KMT2C: variants seen among roughly 807,000 people sequenced by gnomAD.
KMT2C encodes histone-lysine N-methyltransferase 2C.
Under a neutral mutation model 507.9 loss-of-function variants are expected in KMT2C, and 88 were observed. The ratio of observed to expected loss-of-function variants is 0.17; its 90% CI spans 0.15 to 0.21. The LOEUF is 0.21. Ranked by LOEUF, KMT2C falls within the 10% of genes least tolerant of loss-of-function variation. The pLI is 1.00. For synonymous variants in KMT2C, 2,049 were observed against 2,080.8 expected (o/e 0.98, Z 0.42); for missense variants, 4,954 against 5,957.8 (o/e 0.83, Z 5.55).
chr7:152,330,153 A>T (rs1048474586), intron 3 of KMT2C, among the ~76,000 whole-genome samples: 1 of 6,862 alleles, frequency 1.5e-4, no homozygotes, highest in African/African-American at 6.3e-4. Context: ...AAAAAAAGGG[A>T]GGGGGGGAGG....
Position 152,208,528 on chromosome 7 carries a change from A to C in KMT2C, c.3713-1100T>G, listed in dbSNP as rs185846681. Among the ~76,000 whole-genome samples, 58 of 152,340 alleles carry C rather than the reference A, an allele frequency of 3.8e-4. 1 individual carries two copies. Among genetic ancestry groups the C allele is most frequent in the Admixed American group, 3.8e-3 (58 of 15,300 alleles). On this transcript the variant is annotated intron_variant, in intron 23 of 58. Coordinates refer to ENST00000262189, the MANE Select transcript of KMT2C (RefSeq NM_170606.3). ...TTTTCTTAGTAACAGATGTATTGTT[A>C]GTAGGATACCTAATACATGTTCAAT...
In KMT2C at chr7:152,228,308, A is replaced by G. The variant is rs547704054; in HGVS notation, c.2976+1615T>C. 5.3e-5 allele frequency among the ~76,000 whole-genome samples: 8 copies of G among 152,356 alleles called. No homozygotes were observed. In the South Asian group the frequency reaches 1.2e-3, roughly 24 times the overall value. ...CATAAAGTTTGAAAATATCCACCTTAGAGTGAAGACTTTCTAGACTTGCCC... is the reference window on the plus strand; with the variant it reads ...CATAAAGTTTGAAAATATCCACCTTGGAGTGAAGACTTTCTAGACTTGCCC... On this transcript the variant is annotated intron_variant, in intron 18 of 58. Coordinates refer to ENST00000262189, the MANE Select transcript of KMT2C (RefSeq NM_170606.3).
At chr7:152,166,163 G>A (rs1374825430) in intron 42 of KMT2C, among the ~76,000 whole-genome samples, 3 of 137,996 alleles carry the variant, frequency 2.2e-5, no homozygotes, top group Non-Finnish European at 3.1e-5. Flanking sequence ...TCACTTTGTC[G>A]CCAGGCTGGA....
intron 23 of KMT2C, among the ~76,000 whole-genome samples, chr7:152,207,882 T>C (rs1298969047): frequency 6.6e-6 from 1 of 152,210 alleles, no homozygotes; most frequent in Non-Finnish European, 1.5e-5. Flanking sequence ...TTAAAAGGCA[T>C]GGAAATGTAA....
intron 34 of KMT2C, among the ~76,000 whole-genome samples, chr7:152,185,194 C>A (rs773232730): frequency 6.6e-6 from 1 of 152,056 alleles, no homozygotes; most frequent in African/African-American, 2.4e-5. Context: ...AGATGTTTTT[C>A]CAAAATATTT....
intron 1 of KMT2C, among the ~76,000 whole-genome samples, chr7:152,413,704 G>A (rs1440777451): frequency 5.9e-5 from 9 of 151,796 alleles, no homozygotes; most frequent in Non-Finnish European, 4.4e-5. Flanking sequence ...AGCCAACATA[G>A]CAAAACCCCA....
intron 9 of KMT2C, among the ~76,000 whole-genome samples, chr7:152,257,724 G>T (rs1029408437): frequency 3.3e-5 from 5 of 152,114 alleles, no homozygotes; most frequent in African/African-American, 1.2e-4. Flanking sequence ...ATATGTATAT[G>T]AATATTTATG....
intron 2 of KMT2C, among the ~76,000 whole-genome samples, chr7:152,334,237 C>T (rs775061994): frequency 3.7e-4 from 56 of 152,208 alleles, no homozygotes; most frequent in Middle Eastern, 3.2e-3. Flanking sequence ...AGGCAGATCA[C>T]CTGAGGTCAG....
In KMT2C at chr7:152,180,850, G is replaced by A. The variant is rs766887409; in HGVS notation, c.7010C>T (p.Ser2337Phe). ...RPGSEGSFCA[S>F]SNSPMHSQGQ... ...TTGGGAGTGCATTGGAGAGTTTGAA[G>A]ATGCACAGAAGCTCCCCTCTGATCC... Residue 2337 changes from serine to phenylalanine, a missense_variant, in exon 36 of 59, where the codon TCT (serine) becomes TTT (phenylalanine). Transcript: ENST00000262189. 1 of 1,614,190 alleles carries A rather than the reference G, an allele frequency of 6.2e-7. No individual in the cohort carries two copies. Among genetic ancestry groups the A allele is most frequent in the Non-Finnish European group, 8.5e-7 (1 of 1,180,024 alleles).
At chr7:152,198,415 T>C (rs1018913014) in intron 27 of KMT2C, among the ~76,000 whole-genome samples, 4 of 152,208 alleles carry the variant, frequency 2.6e-5, no homozygotes, top group South Asian at 4.1e-4. Context: ...TGCTTTAAAA[T>C]TGTTTTTCAA....
chr7:152,378,443 A>G (rs1189314830), intron 1 of KMT2C, among the ~76,000 whole-genome samples: 1 of 152,276 alleles, frequency 6.6e-6, no homozygotes, highest in East Asian at 1.9e-4. Context: ...AGCATTTTTT[A>G]GCAATAAAGT....
At position 152,148,158 on chromosome 7, in the gene KMT2C, C is replaced by CG; in HGVS notation, c.13768dup (p.Arg4590ProfsTer5). The CG allele has an allele frequency of 6.2e-7, 1 of 1,614,132 alleles. No homozygotes were observed. The highest frequency in any genetic ancestry group is 8.5e-7 in the Non-Finnish European group (1 of 1,179,966). On this transcript the variant is annotated frameshift_variant, in exon 52 of 59. Transcript: ENST00000262189. LOFTEE classifies it high-confidence loss of function. This position sits in a 1 kb window ranked among gnomAD's most constrained non-coding sequence, Gnocchi z 7.1. ...GTAGCGGCAGCGCCTATTGGCATAG[C>CG]GAGTGCTCCAGTACAGCCGGCTGGC...
At chr7:152,310,847 G>A (rs189348096) in intron 5 of KMT2C, among the ~76,000 whole-genome samples, 4 of 151,852 alleles carry the variant, frequency 2.6e-5, no homozygotes, top group East Asian at 1.9e-4. Flanking sequence ...ACCACACTCC[G>A]GGAATTTTTT....
intron 51 of KMT2C, among the ~76,000 whole-genome samples, chr7:152,149,456 A>G (rs1222363238): frequency 6.6e-6 from 1 of 152,234 alleles, no homozygotes; most frequent in Non-Finnish European, 1.5e-5. Flanking sequence ...CTTTCTAACT[A>G]TATTAAAACC....
At chr7:152,420,453 A>C (rs1476936769) in intron 1 of KMT2C, among the ~76,000 whole-genome samples, 1 of 152,226 alleles carries the variant, frequency 6.6e-6, no homozygotes, top group Non-Finnish European at 1.5e-5. Context: ...GTTCTGCACA[A>C]AGCGGGAACT....
chr7:152,263,668 G>A lies in KMT2C; in HGVS notation c.1185-538C>T, dbSNP rs111892379. On this transcript the variant is annotated intron_variant, in intron 8 of 58. Transcript: ENST00000262189. ...TTACTGCGAGAATTAAAGGTAATGC[G>A]GGTTCAAGTGCTTAGAATGTCTATT... Among the ~76,000 whole-genome samples the A allele has an allele frequency of 1.1e-4, 17 of 152,196 alleles. No homozygotes were observed. In the South Asian group the frequency reaches 1.9e-3, roughly 17 times the overall value.
intron 1 of KMT2C, among the ~76,000 whole-genome samples, chr7:152,409,023 T>C (rs1690366814): frequency 6.6e-6 from 1 of 151,894 alleles, no homozygotes; most frequent in African/African-American, 2.4e-5. Context: ...AGTTTCCCTC[T>C]GTTACCCAGG....
rs78732673 is a variant in KMT2C, at chr7:152,400,844, C to T, written c.161+34782G>A. Among the ~76,000 whole-genome samples the T allele has an allele frequency of 1.3e-3, 173 of 133,324 alleles. 1 individual carries two copies. In the East Asian group the frequency reaches 0.025, roughly 19 times the overall value. The allele number at this position is 133,324 out of a possible 152,430, so 87.5% of individuals were successfully genotyped here. The stretch of plus-strand genomic sequence containing the variant: ...AAAAACAAGGCAACAGGTCTAAATA[C>T]TTCTAGCCCAAACTGAAGGAAATAG... On this transcript the variant is annotated intron_variant, in intron 1 of 58. Coordinates refer to ENST00000262189, the MANE Select transcript of KMT2C (RefSeq NM_170606.3).
At chr7:152,175,475 C>T (rs551455188) in intron 38 of KMT2C, among the ~76,000 whole-genome samples, 1 of 141,382 alleles carries the variant, frequency 7.1e-6, no homozygotes, top group South Asian at 2.2e-4. Context: ...CCTAGCCCCC[C>T]ACCCCCGACA....
Sources: gnomAD v4.1 joint callset for allele counts (sites outside exome capture counted in the v4.1 genomes callset) on GRCh38, gnomAD v4.1.1 for gene constraint, Gnocchi (gnomAD v3.1) non-coding constraint, MANE v1.5 for transcripts, NCBI Gene and HGNC (gene_info 2026-07-23, HGNC 2026-07-21) for gene names.